Variants in RARB observed in about 807,000 individuals in gnomAD.
The protein encoded by RARB is HBV-activated protein.
In RARB, 17 loss-of-function variants were observed where a neutral mutation model predicts 51.9. The observed-to-expected ratio is 0.33, with a 90% CI of 0.22 to 0.49. The LOEUF is 0.49. Among genes scored for constraint, RARB ranks in the 20% least tolerant of loss-of-function variants. RARB has a pLI of 0.99. For synonymous variants in RARB, 215 were observed against 195.4 expected (o/e 1.10, Z -0.84); for missense variants, 369 against 550.8 (o/e 0.67, Z 3.30).
intron 5 of RARB, among the ~76,000 whole-genome samples, chr3:25,401,451 A>G (rs934594570): frequency 6.6e-6 from 1 of 152,188 alleles, no homozygotes. Context: ...TAAGACCAGG[A>G]AAAAACAGAT....
chr3:25,241,631 C>A (rs1173235658), intron 5 of RARB, among the ~76,000 whole-genome samples: 1 of 152,208 alleles, frequency 6.6e-6, no homozygotes, highest in Non-Finnish European at 1.5e-5. Flanking sequence ...CATATCCCTG[C>A]AAAGGACATG....
Position 24,860,269 on chromosome 3 carries a change from G to T in RARB, c.-380+1517G>T, listed in dbSNP as rs576460326. Among the ~76,000 whole-genome samples, 21 of 152,184 alleles carry T rather than the reference G, an allele frequency of 1.4e-4. No individual in the cohort carries two copies. In the South Asian group the frequency reaches 3.9e-3, roughly 29 times the overall value. On this transcript the variant is annotated intron_variant, in intron 2 of 11. Coordinates refer to the RARB transcript ENST00000383772. ...TGGGTGTTGATTCTGATTGTTCTAG[G>T]AATAAACCTTTTGCATTTGGGACAT...
chr3:25,456,676 TATATATAGAGAG>T lies in RARB; in HGVS notation c.158-4515_158-4504del, dbSNP rs1382008662. 2.9e-3 allele frequency among the ~76,000 whole-genome samples: 326 copies of T among 113,762 alleles called. 2 individuals are homozygous for T. Among genetic ancestry groups the T allele is most frequent in the African/African-American group, 7.1e-3 (208 of 29,218 alleles). The allele number at this position is 113,762 out of a possible 152,430, so 74.6% of individuals were successfully genotyped here. A position where few individuals can be genotyped will look rare whatever the true frequency, so the allele number is the denominator to read the frequency against. ...TGATATTTGAATATATATATATATA[TATATATAGAGAG>T]AGAGAGAGAGAGAGAGAGAGAGAGA... On this transcript the variant is annotated intron_variant, in intron 1 of 7. Coordinates refer to ENST00000330688, the MANE Select transcript of RARB (RefSeq NM_000965.5).
At chr3:25,205,397 C>T (rs962454438) in intron 5 of RARB, among the ~76,000 whole-genome samples, 3 of 152,148 alleles carry the variant, frequency 2.0e-5, no homozygotes, top group Non-Finnish European at 2.9e-5. Flanking sequence ...CCTCACCCTG[C>T]TTTGGCTCAC....
At chr3:25,076,478 T>C (rs1698872900) in intron 3 of RARB, among the ~76,000 whole-genome samples, 9 of 152,192 alleles carry the variant, frequency 5.9e-5, no homozygotes, top group Admixed American at 5.9e-4. Flanking sequence ...TCTGTGGCTA[T>C]TTTAGATTTA....
intron 2 of RARB, among the ~76,000 whole-genome samples, chr3:25,058,262 C>T (rs1461965531): frequency 6.6e-6 from 1 of 151,806 alleles, no homozygotes; most frequent in East Asian, 1.9e-4. Context: ...TCTTGATTTT[C>T]ATAATTATCC....
chr3:25,247,956 G>A (rs1039509533), intron 5 of RARB, among the ~76,000 whole-genome samples: 3 of 152,166 alleles, frequency 2.0e-5, no homozygotes, highest in Non-Finnish European at 4.4e-5. Flanking sequence ...TAGATGATCT[G>A]CTTAATGCTG....
At chr3:25,265,073 C>G (rs931568924) in intron 5 of RARB, among the ~76,000 whole-genome samples, 2 of 152,130 alleles carry the variant, frequency 1.3e-5, no homozygotes, top group Non-Finnish European at 2.9e-5. Flanking sequence ...CTGCCAATGC[C>G]TTGATCTTGG....
In RARB at chr3:24,866,612, C is replaced by T. The variant is rs13316838; in HGVS notation, c.-380+7860C>T. ...TGAGCTCCCAACCTCCCTCACCGGCCGAGGGGCTTCCAGGTCTTAGTTATC... is the reference window on the plus strand; with the variant it reads ...TGAGCTCCCAACCTCCCTCACCGGCTGAGGGGCTTCCAGGTCTTAGTTATC... On this transcript the variant is annotated intron_variant, in intron 2 of 11. Coordinates refer to the RARB transcript ENST00000383772. 4.7e-3 allele frequency among the ~76,000 whole-genome samples: 722 copies of T among 152,114 alleles called. 9 individuals are homozygous for T. Among genetic ancestry groups the T allele is most frequent in the African/African-American group, 0.015 (615 of 41,520 alleles).
At chr3:25,204,180 A>G (rs1701468346) in intron 5 of RARB, among the ~76,000 whole-genome samples, 1 of 151,940 alleles carries the variant, frequency 6.6e-6, no homozygotes, top group Non-Finnish European at 1.5e-5. Flanking sequence ...CATTAATTTG[A>G]TCTTCAATCA....
At chr3:25,008,784 T>C (rs1274618892) in intron 2 of RARB, among the ~76,000 whole-genome samples, 1 of 152,136 alleles carries the variant, frequency 6.6e-6, no homozygotes, top group Admixed American at 6.5e-5. Context: ...ATTACCAGCC[T>C]GGCCCTTGAG....
chr3:25,375,200 C>G (rs897473486), intron 5 of RARB, among the ~76,000 whole-genome samples: 1 of 152,170 alleles, frequency 6.6e-6, no homozygotes, highest in Non-Finnish European at 1.5e-5. Context: ...AAATCATTAG[C>G]TTCAAACAAG....
chr3:25,352,013 C>T (rs1271517536), intron 5 of RARB, among the ~76,000 whole-genome samples: 1 of 152,142 alleles, frequency 6.6e-6, no homozygotes, highest in East Asian at 1.9e-4. Flanking sequence ...CAACAGTGTC[C>T]TGTGAGTTTG....
intron 5 of RARB, among the ~76,000 whole-genome samples, chr3:25,418,631 T>G (rs1156895447): frequency 6.6e-6 from 1 of 151,874 alleles, no homozygotes; most frequent in Non-Finnish European, 1.5e-5. Context: ...AAATGACACT[T>G]GTTAAAGGTG....
At chr3:24,836,507 A>G (rs1702347513) in intron 1 of RARB, among the ~76,000 whole-genome samples, 1 of 152,176 alleles carries the variant, frequency 6.6e-6, no homozygotes, top group Non-Finnish European at 1.5e-5. Flanking sequence ...ATTGGCCTTA[A>G]TAAAATGTTA....
rs1413825514 is a variant in RARB, at chr3:25,146,499, G to GTTTTTTTTTTTTTTTTTT, written c.-280+14294_-280+14295insTTTTTTTTTTTTTTTTTT. On this transcript the variant is annotated intron_variant, in intron 4 of 11. Transcript: ENST00000383772. Reference sequence around the variant, plus strand: ...CAGGCTATAATTTGCTAAGTTTTTTGTTTGTTTGTTTGTTTTTTTTTTTTT... The same window carrying GTTTTTTTTTTTTTTTTTT: ...CAGGCTATAATTTGCTAAGTTTTTTGTTTTTTTTTTTTTTTTTTTTTGTTTGTTTGTTTTTTTTTTTTT... Among the ~76,000 whole-genome samples, 11 of 104,440 alleles carry GTTTTTTTTTTTTTTTTTT rather than the reference G, an allele frequency of 1.1e-4. 2 individuals are homozygous for GTTTTTTTTTTTTTTTTTT. Among genetic ancestry groups the GTTTTTTTTTTTTTTTTTT allele is most frequent in the South Asian group, 2.8e-4 (1 of 3,528 alleles). The allele number at this position is 104,440 out of a possible 152,430, so 68.5% of individuals were successfully genotyped here.
At chr3:25,203,374 A>T (rs1213301120) in intron 5 of RARB, among the ~76,000 whole-genome samples, 1 of 151,950 alleles carries the variant, frequency 6.6e-6, no homozygotes, top group African/African-American at 2.4e-5. Flanking sequence ...ACAGGTCTTG[A>T]CTCTTTATCC....
chr3:24,965,649 A>T (rs1322524525), intron 2 of RARB, among the ~76,000 whole-genome samples: 2 of 152,154 alleles, frequency 1.3e-5, no homozygotes, highest in African/African-American at 2.4e-5. Flanking sequence ...ATACAGAAAA[A>T]TTTAGTATCT....
chr3:25,345,890 T>A, intron 5 of RARB: 1 of 911,036 alleles, frequency 1.1e-6, no homozygotes, highest in Non-Finnish European at 1.3e-6. Context: ...ATATGTATAA[T>A]TATCACATGT....
Sources: allele counts gnomAD v4.1 joint callset (sites outside exome capture counted in the v4.1 genomes callset), GRCh38; gene constraint gnomAD v4.1.1; transcripts MANE v1.5; gene names NCBI Gene and HGNC (gene_info 2026-07-23, HGNC 2026-07-21).